RGPD1: variants seen among roughly 807,000 people sequenced by gnomAD.
RGPD1 encodes RANBP2-like and GRIP domain-containing protein 1.
A neutral mutation model predicts 40.6 loss-of-function variants in RGPD1; 7 were observed. That is an observed-to-expected ratio of 0.17 (90% CI 0.10 to 0.32). RGPD1 has a LOEUF of 0.32. Ranked by LOEUF, RGPD1 falls within the 10% of genes least tolerant of loss-of-function variation. The probability of loss-of-function intolerance (pLI) is 1.00; values close to 1 mark genes in which losing one functional copy is unlikely to be tolerated. For synonymous variants in RGPD1, 24 were observed against 167.0 expected (o/e 0.14, Z 6.60); for missense variants, 50 against 472.5 (o/e 0.11, Z 8.29).
At chr2:87,007,759 C>G in intron 22 of RGPD1, among the ~76,000 whole-genome samples, 2 of 151,358 alleles carry the variant, frequency 1.3e-5, no homozygotes, top group Non-Finnish European at 3.0e-5. Context: ...AAAGTCTTAC[C>G]TACTCTTGAA....
intron 1 of RGPD1, among the ~76,000 whole-genome samples, chr2:86,944,282 A>G (rs1295414589): frequency 6.6e-6 from 1 of 152,210 alleles, no homozygotes; most frequent in Non-Finnish European, 1.5e-5. Flanking sequence ...AAGGATAGAT[A>G]TCTACTTGTA....
chr2:86,944,341 A>G (rs1680170639), intron 1 of RGPD1, among the ~76,000 whole-genome samples: 1 of 152,154 alleles, frequency 6.6e-6, no homozygotes, highest in South Asian at 2.1e-4. Context: ...ATGTGATGAT[A>G]GAGTCTAAAA....
chr2:86,916,510 A>AT (rs1558781213), intron 1 of RGPD1, among the ~76,000 whole-genome samples: 43 of 35,260 alleles, frequency 1.2e-3, no homozygotes, highest in East Asian at 5.4e-3. Context: ...TTTCATAGTG[A>AT]CTTTTTTTTT....
chr2:86,928,708 G>A (rs111453091), intron 1 of RGPD1, among the ~76,000 whole-genome samples: 1 of 152,202 alleles, frequency 6.6e-6, no homozygotes, highest in Non-Finnish European at 1.5e-5. Flanking sequence ...AGGACTTGAC[G>A]AAAGGCATTG....
rs1478720871 is a variant in RGPD1, at chr2:86,914,013, T to TC, written c.72+92_72+93insC. 6.7e-5 allele frequency: 34 copies of TC among 509,652 alleles called. 5 individuals are homozygous for TC. The highest frequency in any genetic ancestry group is 5.1e-4 in the African/African-American group (6 of 11,720). The allele number at this position is 509,652 out of a possible 1,614,324, so 31.6% of individuals were successfully genotyped here. A position where few individuals can be genotyped will look rare whatever the true frequency, so the allele number is the denominator to read the frequency against. On this transcript the variant is annotated intron_variant, in intron 1 of 22. Transcript: ENST00000398193. Reference sequence around the variant, plus strand: ...GGCGGCGGCGGCCTCGGCCTCGGCCTGGCCGGGCGGCGGCGGCGGCGGCGG... The same window carrying TC: ...GGCGGCGGCGGCCTCGGCCTCGGCCTCGGCCGGGCGGCGGCGGCGGCGGCGG...
chr2:86,941,877 A>AT (rs1679790733), upstream of RGPD1, among the ~76,000 whole-genome samples: 1 of 151,334 alleles, frequency 6.6e-6, no homozygotes, highest in Non-Finnish European at 1.5e-5. Context: ...CGCCCGGGTA[A>AT]TTTTTTGTAT....
intron 1 of RGPD1, among the ~76,000 whole-genome samples, chr2:86,923,379 T>G (rs1448593915): frequency 6.6e-6 from 1 of 151,690 alleles, no homozygotes; most frequent in Non-Finnish European, 1.5e-5. Flanking sequence ...TATGTTTTTT[T>G]AAATTGTGGT....
intron 22 of RGPD1, among the ~76,000 whole-genome samples, chr2:87,010,967 G>A (rs1682196154): frequency 1.1e-5 from 1 of 87,380 alleles, no homozygotes; most frequent in Non-Finnish European, 2.1e-5. Flanking sequence ...TCCTTTCCGA[G>A]AGGTGAACAC....
exon 1 of RGPD1, chr2:86,913,894 G>T: frequency 1.2e-5 from 19 of 1,569,952 alleles, no homozygotes; most frequent in Non-Finnish European, 1.6e-5. Flanking sequence ...TCGCCTCGGT[G>T]CAGGGCTCCG....
chr2:86,926,078 C>T (rs1183446045), intron 1 of RGPD1, among the ~76,000 whole-genome samples: 1 of 152,282 alleles, frequency 6.6e-6, no homozygotes, highest in East Asian at 1.9e-4. Flanking sequence ...AGCCCAGAGC[C>T]TAGTTTCTAA....
chr2:86,942,715 G>T (rs1198266018), intron 1 of RGPD1, among the ~76,000 whole-genome samples: 53 of 149,514 alleles, frequency 3.5e-4, no homozygotes, highest in Non-Finnish European at 1.6e-4. Flanking sequence ...TGGCCCGGCG[G>T]CGGCCTCGAT....
intron 1 of RGPD1, among the ~76,000 whole-genome samples, chr2:86,925,850 G>A (rs1312920152): frequency 3.1e-4 from 47 of 151,996 alleles, no homozygotes; most frequent in African/African-American, 9.7e-4. Context: ...GATTACAGGC[G>A]TGAGCCACCA....
At position 86,914,681 on chromosome 2, in the gene RGPD1, GGGCGGCGGC is replaced by G. The variant is rs1217785583; in HGVS notation, c.72+779_72+787del. On this transcript the variant is annotated intron_variant, in intron 1 of 22. Transcript: ENST00000398193. ...CGGCGGCGGCGGCCTCGACCTGGCC[GGGCGGCGGC>G]GGCGGCGGCGGCGGCGGCCTCGACC... Among the ~76,000 whole-genome samples the G allele has an allele frequency of 5.4e-3, 9 of 1,672 alleles. 1 individual carries two copies. The highest frequency in any genetic ancestry group is 6.3e-3 in the Non-Finnish European group (4 of 638). 1.1% of individuals were successfully genotyped at this position (1,672 alleles called of 152,430 possible). A position where few individuals can be genotyped will look rare whatever the true frequency, so the allele number is the denominator to read the frequency against.
chr2:87,000,368 T>C (rs1328570793), intron 22 of RGPD1, among the ~76,000 whole-genome samples: 1 of 110,378 alleles, frequency 9.1e-6, no homozygotes, highest in Non-Finnish European at 1.7e-5. Flanking sequence ...TCCTATAAGT[T>C]AAGGGTCCAT....
chr2:86,930,568 A>C (rs1678865385), intron 1 of RGPD1: 2 of 1,609,898 alleles, frequency 1.2e-6, no homozygotes, highest in Non-Finnish European at 8.5e-7. Context: ...AGGACAGTCC[A>C]GAGCAGCCAG....
Position 86,942,225 on chromosome 2 carries a change from G to T in RGPD1, c.-12G>T, listed in dbSNP as rs535776820. The T allele has an allele frequency of 1.0e-4, 167 of 1,602,554 alleles. 1 individual carries two copies. The South Asian group carries it at 1.4e-3, about 13-fold the overall frequency. On this transcript the variant is annotated 5_prime_UTR_variant, in exon 1 of 23. Coordinates refer to ENST00000641458, the MANE Select transcript of RGPD1 (RefSeq NM_001382344.1). Reference sequence around the variant, plus strand: ...TGGTTTCACGCGTCTCGGGAGCCAGGTTGGCGGTGCGATGAGGCGCAGCAA... The same window carrying T: ...TGGTTTCACGCGTCTCGGGAGCCAGTTTGGCGGTGCGATGAGGCGCAGCAA...
intron 20 of RGPD1, among the ~76,000 whole-genome samples, chr2:86,988,476 A>C (rs1263305798): frequency 3.2e-5 from 3 of 93,326 alleles, no homozygotes; most frequent in Non-Finnish European, 6.8e-5. Flanking sequence ...AACAAAAAAA[A>C]CCATGATATT....
At chr2:86,943,210 A>G (rs1252514008) in intron 1 of RGPD1, among the ~76,000 whole-genome samples, 3 of 147,982 alleles carry the variant, frequency 2.0e-5, no homozygotes, top group Non-Finnish European at 4.5e-5. Context: ...CCTTGTTTTG[A>G]GTATGAGGTG....
chr2:86,923,519 GTTT>G (rs781467890), intron 1 of RGPD1, among the ~76,000 whole-genome samples: 1 of 144,018 alleles, frequency 6.9e-6, no homozygotes, highest in African/African-American at 2.6e-5. Context: ...TCCTTGTGCG[GTTT>G]TTTTTTTTTG....
Sources: gnomAD v4.1 joint callset for allele counts (sites outside exome capture counted in the v4.1 genomes callset) on GRCh38, gnomAD v4.1.1 for gene constraint, MANE v1.5 for transcripts, NCBI Gene and HGNC (gene_info 2026-07-23, HGNC 2026-07-21) for gene names.